PDZRN4: variants seen among roughly 807,000 people sequenced by gnomAD.
PDZRN4 encodes PDZ domain-containing RING finger protein 4.
Under a neutral mutation model 99.0 loss-of-function variants are expected in PDZRN4, and 70 were observed. That is an observed-to-expected ratio of 0.71 (90% CI 0.58 to 0.86). The LOEUF (loss-of-function observed/expected upper bound fraction) is 0.86, where lower values mean the gene tolerates loss of function less well. Ranked by LOEUF, PDZRN4 falls within the 40% of genes least tolerant of loss-of-function variation. The pLI is 0.00. For missense variants in PDZRN4, 1,474 were observed against 1,331.2 expected (o/e 1.11, Z -1.67); for synonymous variants, 551 against 501.6 (o/e 1.10, Z -1.32).
chr12:41,407,032 T>A (rs1952355603), intron 3 of PDZRN4, among the ~76,000 whole-genome samples: 1 of 152,182 alleles, frequency 6.6e-6, no homozygotes. Flanking sequence ...GCCTGATTGA[T>A]GAGCATTGTT....
chr12:41,289,354 A>C (rs973638520), intron 3 of PDZRN4, among the ~76,000 whole-genome samples: 1 of 152,198 alleles, frequency 6.6e-6, no homozygotes, highest in Non-Finnish European at 1.5e-5. Flanking sequence ...AGTACATTTT[A>C]ATCCACTGGT....
intron 3 of PDZRN4, among the ~76,000 whole-genome samples, chr12:41,272,805 C>T (rs1157052072): frequency 6.6e-6 from 1 of 151,754 alleles, no homozygotes; most frequent in Non-Finnish European, 1.5e-5. Context: ...TTTTCTTTCC[C>T]CTTTGTGGCA....
At position 41,278,434 on chromosome 12, in the gene PDZRN4, G is replaced by A. The variant is rs535789354; in HGVS notation, c.843+84246G>A. Among the ~76,000 whole-genome samples the A allele has an allele frequency of 2.0e-5, 3 of 152,272 alleles. No homozygotes were observed. In the South Asian group the frequency reaches 6.2e-4, roughly 32 times the overall value. ...ATCTTAGCAGTCTGTTAAATGAACA[G>A]GTTTATTGACTTTACAAAAGATTAC... is the stretch of plus-strand genomic sequence containing the variant. On this transcript the variant is annotated intron_variant, in intron 3 of 9. Coordinates refer to ENST00000402685, the MANE Select transcript of PDZRN4 (RefSeq NM_001164595.2).
chr12:41,401,770 G>A (rs1246656477), intron 3 of PDZRN4, among the ~76,000 whole-genome samples: 3 of 140,448 alleles, frequency 2.1e-5, no homozygotes, highest in South Asian at 2.3e-4. Flanking sequence ...TCCAAATTCC[G>A]TAGAATGTCA....
chr12:41,506,570 G>A lies in PDZRN4; in HGVS notation c.958G>A (p.Ala320Thr). ...AAGGCGAACACCTCTTAGTAGACCA[G>A]CCTATGGGATGGCTTCAGAAGTGCA... Reference protein sequence around the residue: ...VLRRTPLSRPAYGMASEVQLM... With the variant: ...VLRRTPLSRPTYGMASEVQLM... The change falls in exon 4 of 10, where the codon GCC (alanine) becomes ACC (threonine). Residue 320 changes from alanine to threonine, a missense_variant. By Grantham distance (58) the Ala-to-Thr change is moderately conservative. Transcript: ENST00000402685. 5.6e-6 allele frequency: 9 copies of A among 1,613,930 alleles called. No individual in the cohort carries two copies. Among genetic ancestry groups the A allele is most frequent in the Non-Finnish European group, 7.6e-6 (9 of 1,179,900 alleles).
chr12:41,321,373 T>C (rs745880471), intron 3 of PDZRN4, among the ~76,000 whole-genome samples: 1 of 152,216 alleles, frequency 6.6e-6, no homozygotes, highest in South Asian at 2.1e-4. Flanking sequence ...TATTTCTGGA[T>C]CTGTTTTTAA....
intron 5 of PDZRN4, among the ~76,000 whole-genome samples, chr12:41,551,517 C>T (rs1164377375): frequency 2.0e-5 from 3 of 152,126 alleles, no homozygotes; most frequent in African/African-American, 7.2e-5. Flanking sequence ...ACAAAAATCT[C>T]TGTGCATCTG....
At chr12:41,277,948 C>T (rs1023869852) in intron 3 of PDZRN4, among the ~76,000 whole-genome samples, 1 of 152,150 alleles carries the variant, frequency 6.6e-6, no homozygotes, top group Admixed American at 6.5e-5. Flanking sequence ...ATTAGTTAGA[C>T]ATTTTAGTCC....
intron 3 of PDZRN4, among the ~76,000 whole-genome samples, chr12:41,492,262 C>T (rs556774404): frequency 6.6e-5 from 10 of 151,894 alleles, no homozygotes; most frequent in Admixed American, 3.3e-4. Context: ...TATGTAAAAC[C>T]CTTGAATTTA....
chr12:41,358,740 G>A (rs1237463654), intron 3 of PDZRN4, among the ~76,000 whole-genome samples: 1 of 151,996 alleles, frequency 6.6e-6, no homozygotes, highest in Non-Finnish European at 1.5e-5. Flanking sequence ...AAAGCACAGA[G>A]CCATGGATGA....
chr12:41,303,390 G>A (rs1401088885), intron 3 of PDZRN4, among the ~76,000 whole-genome samples: 2 of 152,084 alleles, frequency 1.3e-5, no homozygotes, highest in African/African-American at 2.4e-5. Context: ...TCATGCCTAC[G>A]GGCTTCGCAG....
At chr12:41,400,700 G>A (rs562365040) in intron 3 of PDZRN4, among the ~76,000 whole-genome samples, 2 of 152,096 alleles carry the variant, frequency 1.3e-5, no homozygotes, top group African/African-American at 2.4e-5. Flanking sequence ...CTTTCTTACA[G>A]TAGAATCTAA....
intron 3 of PDZRN4, among the ~76,000 whole-genome samples, chr12:41,251,904 C>A (rs186360744): frequency 3.9e-4 from 60 of 152,156 alleles, no homozygotes; most frequent in Admixed American, 1.1e-3. Flanking sequence ...CAGCTAGAGC[C>A]AGGGGGTTCA....
chr12:41,198,616 G>T (rs1219040802), intron 3 of PDZRN4, among the ~76,000 whole-genome samples: 1 of 130,090 alleles, frequency 7.7e-6, no homozygotes, highest in African/African-American at 2.9e-5. Flanking sequence ...GTTGTGGGGT[G>T]GGGGGAGGGG....
intron 5 of PDZRN4, among the ~76,000 whole-genome samples, chr12:41,530,893 G>A (rs965139231): frequency 6.6e-6 from 1 of 152,100 alleles, no homozygotes; most frequent in Non-Finnish European, 1.5e-5. Flanking sequence ...AGAGTGCAAT[G>A]GGGGTGTGGC....
At chr12:41,392,713 C>T (rs1157636536) in intron 3 of PDZRN4, among the ~76,000 whole-genome samples, 1 of 152,190 alleles carries the variant, frequency 6.6e-6, no homozygotes, top group Non-Finnish European at 1.5e-5. Flanking sequence ...AGGAGCACTG[C>T]AAACCTCTTC....
At chr12:41,531,852 A>C (rs1938667011) in intron 5 of PDZRN4, among the ~76,000 whole-genome samples, 1 of 152,128 alleles carries the variant, frequency 6.6e-6, no homozygotes, top group Non-Finnish European at 1.5e-5. Context: ...CATGTGCTGC[A>C]AATACAAACA....
At chr12:41,433,488 C>G (rs535271667) in intron 3 of PDZRN4, among the ~76,000 whole-genome samples, 1 of 152,144 alleles carries the variant, frequency 6.6e-6, no homozygotes, top group Admixed American at 6.5e-5. Context: ...TTCAAAAGCA[C>G]GTAAGTATCT....
At chr12:41,234,096 C>G (rs571964692) in intron 3 of PDZRN4, among the ~76,000 whole-genome samples, 18 of 151,996 alleles carry the variant, frequency 1.2e-4, no homozygotes, top group African/African-American at 3.9e-4. Flanking sequence ...CTCAAAAAAG[C>G]CAACCTTTGG....
Sources: allele counts gnomAD v4.1 joint callset (sites outside exome capture counted in the v4.1 genomes callset), GRCh38; gene constraint gnomAD v4.1.1; transcripts MANE v1.5; gene names NCBI Gene and HGNC (gene_info 2026-07-23, HGNC 2026-07-21).